Variants in HECW2 observed in about 807,000 individuals in gnomAD.
HECW2 encodes the protein E3 ubiquitin-protein ligase HECW2.
In HECW2, 61 loss-of-function variants were observed where a neutral mutation model predicts 175.2. The observed-to-expected ratio is 0.35, with a 90% CI of 0.28 to 0.43. HECW2 has a LOEUF of 0.43. Ranked by LOEUF, HECW2 falls within the 20% of genes least tolerant of loss-of-function variation. The pLI is 1.00. For synonymous variants in HECW2, 671 were observed against 731.0 expected, an observed-to-expected ratio of 0.92 and a Z score of 1.32; for missense variants, 1,524 against 2,000.5, an observed-to-expected ratio of 0.76 and a Z score of 4.54.
chr2:196,466,832 C>T (rs1696973448), intron 1 of HECW2, among the ~76,000 whole-genome samples: 1 of 152,170 alleles, frequency 6.6e-6, no homozygotes, highest in African/African-American at 2.4e-5. Context: ...ATCAGCCAGG[C>T]AGAAGGAGCT....
At chr2:196,242,228 A>G in intron 19 of HECW2, 24 bp from the exon 20 acceptor site, 1 of 1,613,854 alleles carries the variant, frequency 6.2e-7, no homozygotes. Flanking sequence ...CAAAGAGAGG[A>G]CAATCTGGAT....
intron 2 of HECW2, among the ~76,000 whole-genome samples, chr2:196,350,571 G>A (rs1200458857): frequency 1.3e-5 from 2 of 152,128 alleles, no homozygotes; most frequent in East Asian, 1.9e-4. Flanking sequence ...GCAATGCTGT[G>A]GACCATGCAT....
intron 2 of HECW2, among the ~76,000 whole-genome samples, chr2:196,351,855 A>C (rs1373223192): frequency 4.6e-5 from 7 of 152,334 alleles, no homozygotes; most frequent in Admixed American, 3.3e-4. Flanking sequence ...AGTTGAATCA[A>C]GATTATCATT....
At chr2:196,202,307 T>A (rs1203183525) in intron 28 of HECW2, among the ~76,000 whole-genome samples, 3 of 152,216 alleles carry the variant, frequency 2.0e-5, no homozygotes, top group African/African-American at 7.2e-5. Context: ...ATACTTTTAC[T>A]CTGATAAATC....
chr2:196,295,564 A>G (rs1345671770), intron 13 of HECW2, among the ~76,000 whole-genome samples: 1 of 152,212 alleles, frequency 6.6e-6, no homozygotes, highest in Non-Finnish European at 1.5e-5. Context: ...TGTCGGATAA[A>G]TCATTACATT....
intron 13 of HECW2, among the ~76,000 whole-genome samples, chr2:196,304,916 G>A (rs952448466): frequency 6.6e-6 from 1 of 152,178 alleles, no homozygotes; most frequent in African/African-American, 2.4e-5. Flanking sequence ...CAGACTTGCA[G>A]CTTCACGAAT....
intron 1 of HECW2, among the ~76,000 whole-genome samples, chr2:196,541,040 C>T (rs1202669830): frequency 6.6e-6 from 1 of 152,112 alleles, no homozygotes; most frequent in African/African-American, 2.4e-5. Flanking sequence ...CCCTTACCAA[C>T]CTCATCCAAG....
At chr2:196,268,031 T>C (rs889028766) in intron 17 of HECW2, among the ~76,000 whole-genome samples, 25 of 152,330 alleles carry the variant, frequency 1.6e-4, no homozygotes, top group African/African-American at 5.1e-4. Context: ...AAAAATATCA[T>C]TGAAATAGGA....
At chr2:196,469,781 C>A (rs1181836412) in intron 1 of HECW2, among the ~76,000 whole-genome samples, 1 of 151,464 alleles carries the variant, frequency 6.6e-6, no homozygotes, top group East Asian at 1.9e-4. Context: ...AAGTAGTTAA[C>A]CAAGAAGTAT....
chr2:196,418,090 A>C (rs1011949885), intron 2 of HECW2, among the ~76,000 whole-genome samples: 2 of 152,136 alleles, frequency 1.3e-5, no homozygotes, highest in African/African-American at 2.4e-5. Flanking sequence ...TATAGTCCCC[A>C]AAAAAGCAGT....
rs773538257 is a variant in HECW2 at position 196,253,921 on chromosome 2, T to G, written c.3528A>C (p.Pro1176=). The G allele has an allele frequency of 6.2e-7, 1 of 1,613,762 alleles. No individual in the cohort carries two copies. Among genetic ancestry groups the G allele is most frequent in the African/African-American group, 1.3e-5 (1 of 75,038 alleles). Residue 1176 remains proline (P), a splice_region_variant and synonymous_variant, in exon 19 of 29, where the codon CCA becomes CCC. Coordinates refer to ENST00000644978, the MANE Select transcript of HECW2 (RefSeq NM_001348768.2). Reference sequence around the variant, plus strand: ...ACTGTGAGCAGCAGGTGGACTCACCTGGCGAGTTCTGAGGAGATGACACGG... The same window carrying G: ...ACTGTGAGCAGCAGGTGGACTCACCGGGCGAGTTCTGAGGAGATGACACGG... The part of the protein sequence containing the change: ...GSPVSSPQNS[P]GTQRANARAP...
At position 196,201,036 on chromosome 2, in the gene HECW2, G is replaced by C. The variant is rs1369241885; in HGVS notation, c.*241C>G. 2.4e-6 allele frequency: 1 copy of C among 424,774 alleles called. No homozygotes were observed. Among genetic ancestry groups the C allele is most frequent in the African/African-American group, 2.0e-5 (1 of 50,288 alleles). The allele number at this position is 424,774 out of a possible 1,614,324, so 26.3% of individuals were successfully genotyped here. The stretch of plus-strand genomic sequence containing the variant: ...CATAACAAATGGAAAAAGTTTGGCA[G>C]TCAAGAACTGTTGATTGAAAGACGG... On this transcript the variant is annotated 3_prime_UTR_variant, in exon 29 of 29. Transcript: ENST00000644978.
At chr2:196,436,608 T>C (rs1695883317) in intron 1 of HECW2, among the ~76,000 whole-genome samples, 1 of 152,138 alleles carries the variant, frequency 6.6e-6, no homozygotes, top group Non-Finnish European at 1.5e-5. Flanking sequence ...TAATACATAT[T>C]TGTTTTCAGT....
At chr2:196,417,121 C>T (rs1311768062) in intron 2 of HECW2, among the ~76,000 whole-genome samples, 3 of 152,100 alleles carry the variant, frequency 2.0e-5, no homozygotes, top group South Asian at 2.1e-4. Context: ...AAAATGAGAC[C>T]GATAGAGTCA....
At chr2:196,419,864 A>G (rs1211652706) in intron 2 of HECW2, among the ~76,000 whole-genome samples, 2 of 151,774 alleles carry the variant, frequency 1.3e-5, no homozygotes, top group Non-Finnish European at 2.9e-5. Flanking sequence ...CCGTACCCCC[A>G]CTCCAAAACG....
rs61748259 is a variant in HECW2 at position 196,220,828 on chromosome 2, C to T, written c.4260G>A (p.Gln1420=). The T allele has an allele frequency of 6.0e-4, 961 of 1,614,054 alleles. No homozygotes were observed. Among genetic ancestry groups the T allele is most frequent in the Non-Finnish European group, 7.5e-4 (886 of 1,180,026 alleles). The change falls in exon 25 of 29, where the codon CAG becomes CAA. Residue 1420 remains glutamine, a synonymous_variant. Transcript: ENST00000644978. The part of the protein sequence containing the change: ...VKWRIERGVV[Q]QTESLVRGFY... ...AGCCACGCACTAAGCTCTCTGTTTG[C>T]TGTACAACACCCCTCTCAATCCTCC...
At chr2:196,409,106 G>T (rs951294977) in intron 2 of HECW2, among the ~76,000 whole-genome samples, 1 of 152,084 alleles carries the variant, frequency 6.6e-6, no homozygotes, top group Admixed American at 6.5e-5. Flanking sequence ...ACAGACCAGG[G>T]TTTTTTGTTT....
At chr2:196,382,796 C>G (rs71217545) in intron 2 of HECW2, among the ~76,000 whole-genome samples, 38,852 of 152,236 alleles carry the variant, frequency 0.26, 6,398 homozygotes, top group African/African-American at 0.47. Context: ...CAGGGTAGCT[C>G]CATGATAACC....
chr2:196,527,796 A>G (rs1436196364), intron 1 of HECW2, among the ~76,000 whole-genome samples: 1 of 152,232 alleles, frequency 6.6e-6, no homozygotes, highest in East Asian at 1.9e-4. Flanking sequence ...GCCCTGTCCT[A>G]GAAGGAGTCC....
Sources: allele counts gnomAD v4.1 joint callset (sites outside exome capture counted in the v4.1 genomes callset), GRCh38; gene constraint gnomAD v4.1.1; transcripts MANE v1.5; gene names NCBI Gene and HGNC (gene_info 2026-07-23, HGNC 2026-07-21).